Variants in PKHD1L1 observed in about 807,000 individuals in gnomAD.
PKHD1L1 encodes the protein PKHD1 like 1, also known as fibrocystin-L.
Under a neutral mutation model 462.9 loss-of-function variants are expected in PKHD1L1, and 434 were observed. The ratio of observed to expected loss-of-function variants is 0.94; its 90% CI spans 0.87 to 1.02. The LOEUF (loss-of-function observed/expected upper bound fraction) is 1.02. Ranked by LOEUF, PKHD1L1 falls within the 50% of genes least tolerant of loss-of-function variation. PKHD1L1 has a pLI of 0.00. For missense variants in PKHD1L1, 5,202 were observed against 5,096.1 expected, an observed-to-expected ratio of 1.02 and a Z score of -0.63; for synonymous variants, 1,781 against 1,750.0, an observed-to-expected ratio of 1.02 and a Z score of -0.44.
rs1818617418 is a variant in PKHD1L1, at chr8:109,487,886, GA to G, written c.9880+1066del. 5.9e-4 allele frequency among the ~76,000 whole-genome samples: 39 copies of G among 65,612 alleles called. 1 individual carries two copies. The South Asian group carries it at 0.022, about 38-fold the overall frequency. The allele number at this position is 65,612 out of a possible 152,430, so 43.0% of individuals were successfully genotyped here. On this transcript the variant is annotated intron_variant, in intron 59 of 77. Coordinates refer to ENST00000378402, the MANE Select transcript of PKHD1L1 (RefSeq NM_177531.6). ...AGAAAGACAGAGAGAAAGAGAGAGA[GA>G]GAGAGGAAGGAAGGAAGGAAGGAAG... is the stretch of plus-strand genomic sequence containing the variant.
chr8:109,411,811 C>T (rs545910155), intron 19 of PKHD1L1, among the ~76,000 whole-genome samples: 40 of 152,260 alleles, frequency 2.6e-4, no homozygotes, highest in African/African-American at 8.2e-4. Flanking sequence ...TTTCTTGATG[C>T]TTTTATGTGA....
At chr8:109,363,117 G>A (rs1224489122) in intron 1 of PKHD1L1, among the ~76,000 whole-genome samples, 3 of 152,160 alleles carry the variant, frequency 2.0e-5, no homozygotes, top group African/African-American at 4.8e-5. Flanking sequence ...TCCAGGGGCA[G>A]CTGCCCTGTG....
chr8:109,424,384 T>C (rs764662472), intron 23 of PKHD1L1, among the ~76,000 whole-genome samples: 9 of 152,212 alleles, frequency 5.9e-5, no homozygotes, highest in Non-Finnish European at 1.2e-4. Flanking sequence ...GAGGCTATTA[T>C]GAATATAGCT....
Position 109,481,535 on chromosome 8 carries a change from G to T in PKHD1L1, c.9430G>T (p.Gly3144Ter). 6.3e-7 allele frequency: 1 copy of T among 1,595,570 alleles called. No homozygotes were observed. The stretch of plus-strand genomic sequence containing the variant: ...TACACAAGACTGGGCTCTTCCAGAA[G>T]GACCAAATCAAGGGGCAAAGGTCTT... ...HTTQDWALPEGPNQGAKVLGV... is the reference protein window; with the variant it reads ...HTTQDWALPE The change falls in exon 56 of 78, where the codon GGA (glycine) becomes TGA (stop). Residue 3144 changes from glycine (G) to a stop codon, truncating the protein, a stop_gained. Transcript: ENST00000378402. LOFTEE classifies it high-confidence loss of function.
Position 109,490,973 on chromosome 8 carries a change from T to G in PKHD1L1, c.9986T>G (p.Ile3329Ser). The G allele has an allele frequency of 6.2e-7, 1 of 1,603,694 alleles. No individual in the cohort carries two copies. Among genetic ancestry groups the G allele is most frequent in the Non-Finnish European group, 8.5e-7 (1 of 1,173,042 alleles). Reference protein sequence around the residue: ...YAVTFLNLGQIQEHGSSYIRG... With the variant: ...YAVTFLNLGQSQEHGSSYIRG... ...TCTCTGTATCCCAATGTTGTATAGA[T>G]TCAAGAACATGGCTCATCTTATATT... The change falls in exon 61 of 78, where the codon ATT becomes AGT. Residue 3329 changes from isoleucine (I) to serine (S), a missense_variant and splice_region_variant. Coordinates refer to ENST00000378402, the MANE Select transcript of PKHD1L1 (RefSeq NM_177531.6).
intron 77 of PKHD1L1, among the ~76,000 whole-genome samples, chr8:109,529,804 G>A (rs187782575): frequency 4.2e-4 from 64 of 152,106 alleles, no homozygotes; most frequent in Non-Finnish European, 8.2e-4. Context: ...TTACTTTTAA[G>A]AGGATCATGA....
Position 109,523,214 on chromosome 8 carries a change from A to G in PKHD1L1, c.12331-19A>G. The G allele has an allele frequency of 7.4e-7, 1 of 1,349,868 alleles. No homozygotes were observed. The highest frequency in any genetic ancestry group is 1.3e-5 in the South Asian group (1 of 75,724). The allele number at this position is 1,349,868 out of a possible 1,614,324, so 83.6% of individuals were successfully genotyped here. A position where few individuals can be genotyped will look rare whatever the true frequency, so the allele number is the denominator to read the frequency against. ...AACAGGACAATTGTTATAATTATCT[A>G]CTTTTTTTTTTTTTTTAGGGTAACT... On this transcript the variant is annotated intron_variant, in intron 75 of 77. Coordinates refer to ENST00000378402, the MANE Select transcript of PKHD1L1 (RefSeq NM_177531.6).
intron 21 of PKHD1L1, among the ~76,000 whole-genome samples, chr8:109,417,041 T>C (rs892206273): frequency 3.3e-5 from 5 of 152,318 alleles, no homozygotes; most frequent in African/African-American, 1.2e-4. Flanking sequence ...AATAGTTCTC[T>C]TTTTAGCCTA....
intron 29 of PKHD1L1, among the ~76,000 whole-genome samples, chr8:109,435,592 A>G (rs1815364161): frequency 6.6e-6 from 1 of 152,212 alleles, no homozygotes; most frequent in Admixed American, 6.5e-5. Flanking sequence ...AATATCATCA[A>G]TTATTACATG....
At chr8:109,446,857 G>T (rs1469751777) in intron 38 of PKHD1L1, among the ~76,000 whole-genome samples, 2 of 152,128 alleles carry the variant, frequency 1.3e-5, no homozygotes, top group Admixed American at 1.3e-4. Flanking sequence ...GAACAACGCT[G>T]TTCCATTTGA....
At chr8:109,472,668 T>C (rs144360312) in intron 50 of PKHD1L1, among the ~76,000 whole-genome samples, 2 of 152,196 alleles carry the variant, frequency 1.3e-5, no homozygotes, top group African/African-American at 2.4e-5. Context: ...TCAGACCACA[T>C]TGCAAATTAG....
chr8:109,522,805 C>CA lies in PKHD1L1; in HGVS notation c.12246dup (p.Leu4083ThrfsTer28). ...GTTCATCACGTGGCCTTCGTGTCCT[C>CA]ACTCTTAGTGATCACTCAGCCGGTG... is the stretch of plus-strand genomic sequence containing the variant. On this transcript the variant is annotated frameshift_variant, in exon 75 of 78. Coordinates refer to ENST00000378402, the MANE Select transcript of PKHD1L1 (RefSeq NM_177531.6). LOFTEE classifies it high-confidence loss of function. The CA allele has an allele frequency of 6.2e-7, 1 of 1,612,462 alleles. No homozygotes were observed. The highest frequency in any genetic ancestry group is 8.5e-7 in the Non-Finnish European group (1 of 1,179,446).
chr8:109,365,708 G>A (rs573346636), intron 2 of PKHD1L1, among the ~76,000 whole-genome samples: 2 of 152,334 alleles, frequency 1.3e-5, no homozygotes, highest in East Asian at 3.9e-4. Flanking sequence ...AGGCGCGGTG[G>A]CTCAAGCCCG....
At chr8:109,414,607 T>C (rs1814035146) in intron 21 of PKHD1L1, among the ~76,000 whole-genome samples, 1 of 152,102 alleles carries the variant, frequency 6.6e-6, no homozygotes, top group South Asian at 2.1e-4. Context: ...TTATAAGATA[T>C]GGAGAGCATT....
chr8:109,392,502 A>AT (rs199513737), intron 9 of PKHD1L1, among the ~76,000 whole-genome samples: 1,840 of 150,668 alleles, frequency 0.012, 19 homozygotes, highest in Non-Finnish European at 0.016. Context: ...CCCCCCACCC[A>AT]TTTTTTTTTA....
rs372307614 is a variant in PKHD1L1 at position 109,389,040 on chromosome 8, T to A, written c.624-39T>A. ...GAAACACAATATTCTAAAATTTTAG[T>A]GTCTATATAAGCTTTGACATTAACT... is the stretch of plus-strand genomic sequence containing the variant. On this transcript the variant is annotated intron_variant, in intron 7 of 77. Transcript: ENST00000378402. The A allele has an allele frequency of 1.6e-5, 20 of 1,271,270 alleles. No homozygotes were observed. The African/African-American group carries it at 2.9e-4, about 19-fold the overall frequency. 78.7% of individuals were successfully genotyped at this position (1,271,270 alleles called of 1,614,324 possible).
At chr8:109,438,488 G>T in intron 31 of PKHD1L1, 32 bp downstream of exon 31, 1 of 1,506,700 alleles carries the variant, frequency 6.6e-7, no homozygotes, top group Non-Finnish European at 8.9e-7. Context: ...TTGGTCATTT[G>T]TCCTATGTAT....
intron 9 of PKHD1L1, among the ~76,000 whole-genome samples, chr8:109,393,330 T>C (rs1190536480): frequency 6.6e-6 from 1 of 152,188 alleles, no homozygotes; most frequent in East Asian, 1.9e-4. Context: ...GTGATTATGA[T>C]GAATGAGATT....
intron 57 of PKHD1L1, among the ~76,000 whole-genome samples, chr8:109,484,670 G>GA (rs1563596773): frequency 6.6e-6 from 1 of 151,742 alleles, no homozygotes; most frequent in African/African-American, 2.4e-5. Flanking sequence ...ATAGTTAATT[G>GA]TACTAAACAA....
Sources: gnomAD v4.1 joint callset for allele counts (sites outside exome capture counted in the v4.1 genomes callset) on GRCh38, gnomAD v4.1.1 for gene constraint, MANE v1.5 for transcripts, NCBI Gene and HGNC (gene_info 2026-07-23, HGNC 2026-07-21) for gene names.